TAPBPL: variants seen among roughly 807,000 people sequenced by gnomAD.
TAPBPL encodes tapasin-related protein.
Under a neutral mutation model 44.8 loss-of-function variants are expected in TAPBPL, and 32 were observed. The observed-to-expected ratio is 0.71, with a 90% CI of 0.54 to 0.96. The LOEUF (loss-of-function observed/expected upper bound fraction) is 0.96, where lower values mean the gene tolerates loss of function less well. TAPBPL is among the 40% of genes least tolerant of loss of function. The probability of loss-of-function intolerance (pLI) is 0.00; values close to 1 mark genes in which losing one functional copy is unlikely to be tolerated. For synonymous variants in TAPBPL, 230 were observed against 240.7 expected (o/e 0.96, Z 0.41); for missense variants, 520 against 586.6 (o/e 0.89, Z 1.17).
At chr12:6,465,087 G>A (rs1035230385), downstream of TAPBPL, 20 of 1,188,750 alleles carry the variant, frequency 1.7e-5, no homozygotes, top group Admixed American at 2.4e-5. Flanking sequence ...GCCTCTTAGA[G>A]AGGCCCTACC....
At position 6,460,865 on chromosome 12, in the gene TAPBPL, AG is replaced by A; in HGVS notation, c.1219del (p.Ala407ProfsTer15). On this transcript the variant is annotated frameshift_variant, in exon 6 of 7. Transcript: ENST00000266556. LOFTEE classifies it high-confidence loss of function. ...TGCTCTCACCTACAGAGCGGAGAAC[AG>A]CCTTGGGAGTCATCTTTGCCAGCAG... ...TQVVPPERRT[A>X]LGVIFASSLF... 17 of 1,614,132 alleles carry A rather than the reference AG, an allele frequency of 1.1e-5. No homozygotes were observed. Among genetic ancestry groups the A allele is most frequent in the Non-Finnish European group, 1.4e-5 (17 of 1,179,988 alleles).
intron 6 of TAPBPL, 81 bp from the exon 7 acceptor site, chr12:6,461,952 TG>T: frequency 8.9e-7 from 1 of 1,126,670 alleles, no homozygotes; most frequent in Non-Finnish European, 1.3e-6. Context: ...AGGAGGCAGA[TG>T]GAAGAGGCCT....
downstream of TAPBPL, chr12:6,464,861 A>G: frequency 1.9e-6 from 3 of 1,613,638 alleles, no homozygotes; most frequent in Non-Finnish European, 2.5e-6. Flanking sequence ...CCACCTCTTC[A>G]CCCCACCAGC....
chr12:6,469,971 C>T (rs1270360530), downstream of TAPBPL, among the ~76,000 whole-genome samples: 1 of 152,216 alleles, frequency 6.6e-6, no homozygotes, highest in African/African-American at 2.4e-5. Context: ...TTGAGTCTTT[C>T]TGAGCTGCTC....
At chr12:6,454,365 G>A (rs1949649989) in intron 3 of TAPBPL, among the ~76,000 whole-genome samples, 1 of 152,210 alleles carries the variant, frequency 6.6e-6, no homozygotes, top group South Asian at 2.1e-4. Context: ...CTACTCAGGA[G>A]ACTGAGACGG....
downstream of TAPBPL, among the ~76,000 whole-genome samples, chr12:6,467,500 T>C (rs892238710): frequency 2.0e-5 from 3 of 152,158 alleles, no homozygotes; most frequent in Non-Finnish European, 4.4e-5. Context: ...CCCTAGAAAT[T>C]TGTGGAACTT....
In TAPBPL at chr12:6,452,055, C is replaced by T; in HGVS notation, c.-194C>T. The T allele has an allele frequency of 1.5e-6, 1 of 654,520 alleles. No homozygotes were observed. Among genetic ancestry groups the T allele is most frequent in the Non-Finnish European group, 2.7e-6 (1 of 372,654 alleles). The allele number at this position is 654,520 out of a possible 1,614,324, so 40.5% of individuals were successfully genotyped here. On this transcript the variant is annotated 5_prime_UTR_variant, in exon 1 of 7. Coordinates refer to ENST00000266556, the MANE Select transcript of TAPBPL (RefSeq NM_018009.5). Reference sequence around the variant, plus strand: ...GGCAGCTGCTGCAGACGGCTTCACACAGGGACGCGGGCTGCCATCTTGCTC... The same window carrying T: ...GGCAGCTGCTGCAGACGGCTTCACATAGGGACGCGGGCTGCCATCTTGCTC...
chr12:6,470,599 G>C (rs1315510930), downstream of TAPBPL: 23 of 1,602,880 alleles, frequency 1.4e-5, no homozygotes, highest in Non-Finnish European at 2.0e-5. Flanking sequence ...GGTGAGGGAC[G>C]CTGCGGCTGA....
downstream of TAPBPL, chr12:6,465,803 A>G: frequency 6.2e-7 from 1 of 1,610,022 alleles, no homozygotes; most frequent in Non-Finnish European, 8.5e-7. Context: ...TACCAGTGGA[A>G]GCCCAGGAAA....
intron 4 of TAPBPL, among the ~76,000 whole-genome samples, chr12:6,458,293 T>C (rs1005846042): frequency 6.6e-6 from 1 of 151,886 alleles, no homozygotes; most frequent in African/African-American, 2.4e-5. Flanking sequence ...GAAGAATCGC[T>C]TGAACCCCGG....
chr12:6,453,686 C>G lies in TAPBPL; in HGVS notation c.535C>G (p.Leu179Val). ...ALWHPTLNLPLSPQGTVRTAV... is the reference protein window; with the variant it reads ...ALWHPTLNLPVSPQGTVRTAV... ...CTGGCACCCGACGCTGAACTTGCCA[C>G]TGAGCCCCCAGGGGACTGTGCGAAC... Residue 179 changes from leucine to valine, a missense_variant, in exon 3 of 7, where the codon CTG becomes GTG. Coordinates refer to ENST00000266556, the MANE Select transcript of TAPBPL (RefSeq NM_018009.5). The surrounding 1 kb of genome is among the most constrained non-coding windows in gnomAD (Gnocchi z 4.8). The G allele has an allele frequency of 6.2e-7, 1 of 1,612,306 alleles. No individual in the cohort carries two copies. Among genetic ancestry groups the G allele is most frequent in the Non-Finnish European group, 8.5e-7 (1 of 1,179,320 alleles).
downstream of TAPBPL, chr12:6,470,629 C>T: frequency 2.6e-6 from 4 of 1,528,896 alleles, no homozygotes; most frequent in East Asian, 2.3e-5. Flanking sequence ...AACTGCCAAG[C>T]TCCGCCTCGC....
downstream of TAPBPL, chr12:6,470,687 G>C (rs1428299188): frequency 2.1e-6 from 2 of 939,198 alleles, no homozygotes; most frequent in Admixed American, 2.1e-5. Flanking sequence ...TGCAGCTGCC[G>C]CGCCGGCCTC....
chr12:6,458,054 G>A (rs553969232), intron 4 of TAPBPL, among the ~76,000 whole-genome samples: 1 of 152,284 alleles, frequency 6.6e-6, no homozygotes, highest in African/African-American at 2.4e-5. Flanking sequence ...GCAGAGCAGT[G>A]GAAGCGGTTC....
rs1949631919 is a variant in TAPBPL, at chr12:6,453,821, C to T, written c.565+105C>T. 3 of 1,377,714 alleles carry T rather than the reference C, an allele frequency of 2.2e-6. No homozygotes were observed. The highest frequency in any genetic ancestry group is 1.9e-6 in the Non-Finnish European group (2 of 1,045,920). The allele number at this position is 1,377,714 out of a possible 1,614,324, so 85.3% of individuals were successfully genotyped here. A position where few individuals can be genotyped will look rare whatever the true frequency, so the allele number is the denominator to read the frequency against. On this transcript the variant is annotated intron_variant, in intron 3 of 6. Coordinates refer to ENST00000266556, the MANE Select transcript of TAPBPL (RefSeq NM_018009.5). The surrounding 1 kb of genome is among the most constrained non-coding windows in gnomAD (Gnocchi z 4.8). ...TCACCTGAGGTCAGGAGTTTGAGAT[C>T]AGCCTGGTCAACACGGTGAAACCCC...
downstream of TAPBPL, chr12:6,470,778 G>T: frequency 1.7e-6 from 1 of 576,736 alleles, no homozygotes; most frequent in Non-Finnish European, 3.1e-6. Flanking sequence ...CGGTCGCCCA[G>T]CGCTACAGGC....
At chr12:6,468,725 C>G (rs1349663574), downstream of TAPBPL, among the ~76,000 whole-genome samples, 4 of 152,194 alleles carry the variant, frequency 2.6e-5, no homozygotes, top group Non-Finnish European at 1.5e-5. Context: ...TCAAGACAAA[C>G]TCCTCTCCAT....
chr12:6,471,452 T>C (rs1945770707), downstream of TAPBPL, among the ~76,000 whole-genome samples: 1 of 152,248 alleles, frequency 6.6e-6, no homozygotes, highest in Admixed American at 6.5e-5. This position sits in a 1 kb window ranked among gnomAD's most constrained non-coding sequence, Gnocchi z 4.0. Context: ...TTCCAGTGAT[T>C]ATCTCCCCTC....
chr12:6,452,438 AG>A, intron 1 of TAPBPL, 126 bp downstream of exon 1: 1 of 753,244 alleles, frequency 1.3e-6, no homozygotes, highest in Non-Finnish European at 1.8e-6. Flanking sequence ...TAAGCCCAAC[AG>A]GGGAAAGGCT....
Sources: gnomAD v4.1 joint callset for allele counts (sites outside exome capture counted in the v4.1 genomes callset) on GRCh38, gnomAD v4.1.1 for gene constraint, Gnocchi (gnomAD v3.1) non-coding constraint, MANE v1.5 for transcripts, NCBI Gene and HGNC (gene_info 2026-07-23, HGNC 2026-07-21) for gene names.